Variants in PLAC1 observed in about 807,000 individuals in gnomAD.
PLAC1 encodes placenta-specific protein 1.
For missense variants in PLAC1, 136 were observed against 163.2 expected, an observed-to-expected ratio of 0.83 and a Z score of 0.91; for synonymous variants, 68 against 62.1, an observed-to-expected ratio of 1.09 and a Z score of -0.44.
At chrX:134,700,906 A>T (rs2147827184) in intron 2 of PLAC1, among the ~76,000 whole-genome samples, 1 of 112,182 alleles carries the variant, frequency 8.9e-6, no homozygotes, top group Non-Finnish European at 1.9e-5. Context: ...TGAAATTAAC[A>T]ATGTCATATT....
chrX:134,673,327 GGGGAA>G (rs1281503757), intron 2 of PLAC1, among the ~76,000 whole-genome samples: 1 of 101,546 alleles, frequency 9.8e-6, no homozygotes, highest in Non-Finnish European at 2.0e-5. Flanking sequence ...AAGGAGGGAA[GGGGAA>G]GGGAAGGGAA....
At chrX:134,701,835 T>C (rs956878145) in intron 2 of PLAC1, among the ~76,000 whole-genome samples, 3 of 111,807 alleles carry the variant, frequency 2.7e-5, no homozygotes, top group African/African-American at 9.8e-5. Flanking sequence ...CTGGCCAACA[T>C]GGTGAAACAC....
intron 2 of PLAC1, among the ~76,000 whole-genome samples, chrX:134,704,053 C>T (rs925266685): frequency 1.9e-5 from 2 of 103,043 alleles, no homozygotes; most frequent in Admixed American, 1.0e-4. Context: ...GTGTGCAGTC[C>T]GTGGGTGTAT....
chrX:134,590,993 G>C (rs1399621875), intron 2 of PLAC1, among the ~76,000 whole-genome samples: 1 of 110,673 alleles, frequency 9.0e-6, no homozygotes, highest in East Asian at 2.8e-4. Context: ...AGCACATGTC[G>C]AGAGAATGGC....
intron 1 of PLAC1, among the ~76,000 whole-genome samples, chrX:134,635,912 T>C (rs2078281329): frequency 8.9e-6 from 1 of 111,733 alleles, no homozygotes. Flanking sequence ...TCCTGTACAT[T>C]ACATATTTGC....
chrX:134,682,410 C>T (rs2078501064), intron 2 of PLAC1, among the ~76,000 whole-genome samples: 1 of 111,773 alleles, frequency 8.9e-6, no homozygotes, highest in Admixed American at 9.4e-5. Context: ...CTGCTCCAGC[C>T]AGGGAGACAA....
intron 2 of PLAC1, among the ~76,000 whole-genome samples, chrX:134,676,779 T>C (rs768478154): frequency 1.7e-3 from 193 of 111,117 alleles, no homozygotes; most frequent in Non-Finnish European, 3.1e-3. Flanking sequence ...TATGTATGGG[T>C]CCCAAACAGC....
chrX:134,735,205 G>A (rs2078699729), intron 1 of PLAC1, among the ~76,000 whole-genome samples: 1 of 111,602 alleles, frequency 9.0e-6, no homozygotes, highest in African/African-American at 3.3e-5. Context: ...GAGCACAGCT[G>A]GGGATCAAAT....
chrX:134,727,927 A>T, intron 2 of PLAC1, among the ~76,000 whole-genome samples: 1 of 112,738 alleles, frequency 8.9e-6, no homozygotes, highest in East Asian at 2.7e-4. Context: ...CTCAATAAAC[A>T]GAAAATATAA....
At chrX:134,592,620 G>A (rs969385785) in intron 2 of PLAC1, among the ~76,000 whole-genome samples, 1 of 110,441 alleles carries the variant, frequency 9.1e-6, no homozygotes, top group Non-Finnish European at 1.9e-5. Context: ...TCTCCAGCCT[G>A]CTGGCCTGCC....
rs183988473 is a variant in PLAC1, at chrX:134,694,801, T to C, written n.174+38634A>G. ...GTGAGTTACCAAACTATTTATATCA[T>C]TTTTATTAGCATACGATTGAGGAAT... On this transcript the variant is annotated intron_variant and non_coding_transcript_variant, in intron 2 of 2. Transcript: ENST00000466797. Among the ~76,000 whole-genome samples the C allele has an allele frequency of 1.4e-4, 16 of 111,939 alleles. No homozygotes were observed. In the East Asian group the frequency reaches 4.2e-3, roughly 29 times the overall value.
At chrX:134,634,841 C>T (rs2078276577) in intron 1 of PLAC1, among the ~76,000 whole-genome samples, 1 of 112,163 alleles carries the variant, frequency 8.9e-6, no homozygotes. Flanking sequence ...CATGTACAAG[C>T]TATTGTGTAG....
At chrX:134,572,253 C>T (rs765183889) in intron 2 of PLAC1, among the ~76,000 whole-genome samples, 4 of 111,975 alleles carry the variant, frequency 3.6e-5, no homozygotes, top group Non-Finnish European at 1.9e-5. Context: ...GACCTGCAAA[C>T]TATCTCAAGG....
chrX:134,710,391 T>A (rs2147833454), intron 2 of PLAC1, among the ~76,000 whole-genome samples: 1 of 111,966 alleles, frequency 8.9e-6, no homozygotes, highest in Non-Finnish European at 1.9e-5. Flanking sequence ...TAGAGCCACA[T>A]TGGAGAGCAA....
chrX:134,566,238 C>G lies in PLAC1; in HGVS notation c.445G>C (p.Val149Leu). Reference protein sequence around the residue: ...TAQKDEKCYEVFSLSQSSQRP... With the variant: ...TAQKDEKCYELFSLSQSSQRP... ...TGACTGGACTGTGACAAGCTGAACA[C>G]CTCGTAGCATTTCTCATCCTTCTGG... Residue 149 changes from valine to leucine, a missense_variant, in exon 3 of 3, where the codon GTG becomes CTG. By Grantham distance (32) the Val-to-Leu change is conservative. Coordinates refer to ENST00000359237, the MANE Select transcript of PLAC1 (RefSeq NM_021796.4). 1 of 1,211,418 alleles carries G rather than the reference C, an allele frequency of 8.3e-7. No individual in the cohort carries two copies. The highest frequency in any genetic ancestry group is 1.1e-6 in the Non-Finnish European group (1 of 895,201).
chrX:134,657,787 G>T (rs925628181), intron 1 of PLAC1, among the ~76,000 whole-genome samples: 4 of 110,629 alleles, frequency 3.6e-5, no homozygotes, highest in African/African-American at 1.3e-4. Flanking sequence ...CTTTCTCAAA[G>T]AGTCTGAAAC....
At chrX:134,592,720 C>CTTTTTT (rs141372595) in intron 2 of PLAC1, among the ~76,000 whole-genome samples, 4 of 61,445 alleles carry the variant, frequency 6.5e-5, no homozygotes, top group African/African-American at 2.4e-4. Flanking sequence ...CTCTGTGTCT[C>CTTTTTT]TTTTTTTTTT....
rs748431855 is a variant in PLAC1 at position 134,604,469 on chromosome X, C to T, written c.-130-2347G>A. Reference sequence around the variant, plus strand: ...CATCCGTTTTTTCTCATCAGCCTTTCATCTCTAGGGCCTCTCAGCTTGTGG... The same window carrying T: ...CATCCGTTTTTTCTCATCAGCCTTTTATCTCTAGGGCCTCTCAGCTTGTGG... On this transcript the variant is annotated intron_variant, in intron 1 of 2. Coordinates refer to ENST00000359237, the MANE Select transcript of PLAC1 (RefSeq NM_021796.4). 15 of 112,038 alleles carry T rather than the reference C, an allele frequency of 1.3e-4. No homozygotes were observed. The East Asian group carries it at 4.2e-3, about 32-fold the overall frequency. 9.2% of individuals were successfully genotyped at this position (112,038 alleles called of 1,213,427 possible).
chrX:134,601,428 G>A (rs955108349), intron 2 of PLAC1: 2 of 112,129 alleles, frequency 1.8e-5, no homozygotes, highest in African/African-American at 6.5e-5. Flanking sequence ...ATTTTGCCAA[G>A]TTGCCCTGTG....
Sources: allele counts gnomAD v4.1 joint callset (sites outside exome capture counted in the v4.1 genomes callset), GRCh38; gene constraint gnomAD v4.1.1; transcripts MANE v1.5; gene names NCBI Gene and HGNC (gene_info 2026-07-23, HGNC 2026-07-21).